Variants in ACTL6B observed in about 807,000 individuals in gnomAD.
ACTL6B encodes the protein actin like 6B, also known as actin-like protein 6B.
Under a neutral mutation model 63.3 loss-of-function variants are expected in ACTL6B, and 48 were observed. The observed-to-expected ratio is 0.76, with a 90% CI of 0.60 to 0.96. The LOEUF (loss-of-function observed/expected upper bound fraction) is 0.96. Ranked by LOEUF, ACTL6B falls within the 50% of genes least tolerant of loss-of-function variation. The probability of loss-of-function intolerance (pLI) is 0.00; values close to 1 mark genes in which losing one functional copy is unlikely to be tolerated. For missense variants in ACTL6B, 350 were observed against 572.2 expected (o/e 0.61, Z 3.96); for synonymous variants, 230 against 223.8 (o/e 1.03, Z -0.25).
chr7:100,655,797 G>C lies in ACTL6B; in HGVS notation c.102+6C>G, dbSNP rs775714101. ...TAGGATTTGGAGAGGAGACTGGAAG[G>C]CTCACCTTGGGACAGTCCTCCCCAG... On this transcript the variant is annotated splice_donor_region_variant and intron_variant, in intron 2 of 13. Transcript: ENST00000160382. This position sits in a 1 kb window ranked among gnomAD's most constrained non-coding sequence, Gnocchi z 4.4. The C allele has an allele frequency of 1.3e-5, 21 of 1,564,074 alleles. No individual in the cohort carries two copies. Among genetic ancestry groups the C allele is most frequent in the Non-Finnish European group, 1.7e-5 (20 of 1,153,830 alleles).
chr7:100,643,259 C>T lies in ACTL6B; in HGVS notation c.1268G>A (p.Arg423Gln), dbSNP rs1299588423. Residue 423 changes from arginine to glutamine, a missense_variant, in exon 14 of 14, where the codon CGA becomes CAA. Physicochemically the swap from Arg to Gln is conservative, Grantham distance 43 (BLOSUM62 1). Coordinates refer to ENST00000160382, the MANE Select transcript of ACTL6B (RefSeq NM_016188.5). ...YEEGGKQCVE[R>Q]KCP Reference sequence around the variant, plus strand: ...GGAGGAGTGCCATCAGGGGCACTTTCGCTCCACGCACTGCTTCCCGCCCTC... The same window carrying T: ...GGAGGAGTGCCATCAGGGGCACTTTTGCTCCACGCACTGCTTCCCGCCCTC... The T allele has an allele frequency of 6.2e-6, 10 of 1,613,882 alleles. No individual in the cohort carries two copies. The highest frequency in any genetic ancestry group is 1.3e-5 in the African/African-American group (1 of 74,898).
In ACTL6B at chr7:100,648,251, C is replaced by T. The variant is rs1032403863; in HGVS notation, c.669+305G>A. 1.8e-5 allele frequency: 4 copies of T among 225,532 alleles called. No homozygotes were observed. Among genetic ancestry groups the T allele is most frequent in the Admixed American group, 5.5e-5 (1 of 18,030 alleles). 14.0% of individuals were successfully genotyped at this position (225,532 alleles called of 1,614,324 possible). ...GGGATTACAGGTGTGAGCCACCATG[C>T]CTGACCGGTCCTGCAGCTCTTGCAC... is the stretch of plus-strand genomic sequence containing the variant. On this transcript the variant is annotated intron_variant, in intron 7 of 13. Coordinates refer to ENST00000160382, the MANE Select transcript of ACTL6B (RefSeq NM_016188.5). This position sits in a 1 kb window ranked among gnomAD's most constrained non-coding sequence, Gnocchi z 4.4.
chr7:100,652,999 CAAAAAAAAAAAAAAAAAAAAAA>C (rs58707737), intron 4 of ACTL6B, among the ~76,000 whole-genome samples: 94 of 25,956 alleles, frequency 3.6e-3, no homozygotes, highest in East Asian at 0.032. Flanking sequence ...AACTCCGTCT[CAAAAAAAAAAAAAAAAAAAAAA>C]AAAAAAAAAA....
In ACTL6B at chr7:100,643,175, G is replaced by C. The variant is rs1803753525; in HGVS notation, c.*71C>G. On this transcript the variant is annotated 3_prime_UTR_variant, in exon 14 of 14. Coordinates refer to ENST00000160382, the MANE Select transcript of ACTL6B (RefSeq NM_016188.5). ...TGAGGACAAGAGGGAAAGGAGGAGGGGGGCAATGTGGCATGGGGGTTAAGG... is the reference window on the plus strand; with the variant it reads ...TGAGGACAAGAGGGAAAGGAGGAGGCGGGCAATGTGGCATGGGGGTTAAGG... The C allele has an allele frequency of 3.0e-6, 4 of 1,355,362 alleles. No individual in the cohort carries two copies. The highest frequency in any genetic ancestry group is 4.2e-6 in the Non-Finnish European group (4 of 947,756). 84.0% of individuals were successfully genotyped at this position (1,355,362 alleles called of 1,614,324 possible). A position where few individuals can be genotyped will look rare whatever the true frequency, so the allele number is the denominator to read the frequency against.
chr7:100,653,254 C>G (rs1238718363), intron 4 of ACTL6B, among the ~76,000 whole-genome samples: 1 of 151,964 alleles, frequency 6.6e-6, no homozygotes, highest in African/African-American at 2.4e-5. Context: ...TGAAGCCAGC[C>G]TGGGCAATAT....
intron 4 of ACTL6B, among the ~76,000 whole-genome samples, chr7:100,651,565 GT>G (rs908137622): frequency 4.7e-5 from 7 of 149,548 alleles, no homozygotes; most frequent in African/African-American, 1.2e-4. Flanking sequence ...AAAAAAAAAA[GT>G]TTTTTTTTAG....
rs370137007 is a variant in ACTL6B, at chr7:100,647,111, C to T, written c.822-26G>A. The T allele has an allele frequency of 6.9e-5, 112 of 1,612,706 alleles. No individual in the cohort carries two copies. In the Middle Eastern group the frequency reaches 1.2e-3, roughly 17 times the overall value. ...CTACCCAGAAGGGAGCAGGACTCTG[C>T]CTGGGGTGCTCAAGAAGGATCAGTG... On this transcript the variant is annotated intron_variant, in intron 9 of 13. Coordinates refer to ENST00000160382, the MANE Select transcript of ACTL6B (RefSeq NM_016188.5). The surrounding 1 kb of genome is among the most constrained non-coding windows in gnomAD (Gnocchi z 4.4).
rs368302187 is a variant in ACTL6B at position 100,648,592 on chromosome 7, G to A, written c.633C>T (p.Ala211=). The change falls in exon 7 of 14, where the codon GCC becomes GCT. Residue 211 remains alanine (A), a synonymous_variant. Transcript: ENST00000160382. The surrounding 1 kb of genome is among the most constrained non-coding windows in gnomAD (Gnocchi z 4.4). ...TCATGTAAGGTGGGATGATGTCAAT[G>A]GCCATCTCCTGGAACAGCTCCCGGC... ...MQCRELFQEM[A]IDIIPPYMIA... is the part of the protein sequence containing the mutation. 8.4e-5 allele frequency: 136 copies of A among 1,612,334 alleles called. 1 individual carries two copies. The highest frequency in any genetic ancestry group is 5.0e-5 in the Admixed American group (3 of 59,728).
chr7:100,654,415 A>T lies in ACTL6B; in HGVS notation c.369+604T>A, dbSNP rs1319332946. 3.4e-5 allele frequency among the ~76,000 whole-genome samples: 5 copies of T among 146,656 alleles called. No individual in the cohort carries two copies. In the East Asian group the frequency reaches 1.0e-3, roughly 29 times the overall value. On this transcript the variant is annotated intron_variant, in intron 4 of 13. Transcript: ENST00000160382. The stretch of plus-strand genomic sequence containing the variant: ...ATTACAGGTGTGAGCCAACATCCCC[A>T]GCTCACCAAAGTTGACCATAATAAT...
At position 100,646,129 on chromosome 7, in the gene ACTL6B, C is replaced by T. The variant is rs570369561; in HGVS notation, c.1200+120G>A. The T allele has an allele frequency of 2.1e-6, 2 of 973,756 alleles. No individual in the cohort carries two copies. Among genetic ancestry groups the T allele is most frequent in the African/African-American group, 3.2e-5 (2 of 61,786 alleles). The allele number at this position is 973,756 out of a possible 1,614,324, so 60.3% of individuals were successfully genotyped here. A position where few individuals can be genotyped will look rare whatever the true frequency, so the allele number is the denominator to read the frequency against. On this transcript the variant is annotated intron_variant, in intron 13 of 13. Transcript: ENST00000160382. This position sits in a 1 kb window ranked among gnomAD's most constrained non-coding sequence, Gnocchi z 6.1. ...TGGGAACATTCATTGACTGACATTT[C>T]TCAAAACTAAATGTTTGTTGAATGA...
intron 13 of ACTL6B, among the ~76,000 whole-genome samples, chr7:100,645,638 A>AT (rs59032705): frequency 0.089 from 12,571 of 141,130 alleles, 1,516 homozygotes; most frequent in East Asian, 0.51. Context: ...TCTACTCCCA[A>AT]TTTTTTTTTT....
Position 100,647,458 on chromosome 7 carries a change from T to A in ACTL6B, c.745A>T (p.Asn249Tyr). Residue 249 changes from asparagine to tyrosine, a missense_variant, in exon 8 of 14, where the codon AAC becomes TAC. This residue lies in a region of ACTL6B where 250 missense variants were observed against 364.7 expected (regional missense o/e 0.69). Transcript: ENST00000160382. This position sits in a 1 kb window ranked among gnomAD's most constrained non-coding sequence, Gnocchi z 4.4. ...KLPQVSKSWHNYMCNEVIQDF... is the reference protein window; with the variant it reads ...KLPQVSKSWHYYMCNEVIQDF... ...CAGAGGCTCACATTACACATGTAGT[T>A]ATGCCAGGACTTGGAGACCTGGGGT... 1 of 1,612,812 alleles carries A rather than the reference T, an allele frequency of 6.2e-7. No individual in the cohort carries two copies. The highest frequency in any genetic ancestry group is 2.2e-5 in the East Asian group (1 of 44,878).
intron 4 of ACTL6B, among the ~76,000 whole-genome samples, chr7:100,653,707 C>A (rs1803984251): frequency 1.3e-5 from 2 of 152,030 alleles, no homozygotes; most frequent in Admixed American, 6.6e-5. Context: ...ACAACAACAA[C>A]AAAACCCACT....
At chr7:100,652,477 G>A (rs753995370) in intron 4 of ACTL6B, among the ~76,000 whole-genome samples, 86 of 146,684 alleles carry the variant, frequency 5.9e-4, no homozygotes, top group Admixed American at 1.4e-3. Flanking sequence ...GGCACCTGTA[G>A]TCCCAGCTAC....
chr7:100,655,968 T>C lies in ACTL6B; in HGVS notation c.26-89A>G. On this transcript the variant is annotated intron_variant, in intron 1 of 13. Transcript: ENST00000160382. This position sits in a 1 kb window ranked among gnomAD's most constrained non-coding sequence, Gnocchi z 4.4. ...AGAGAAAGTCAGGGCAGAGCCACAG[T>C]CTCGCCACTTTCAACACCAGTCTGG... 7 of 1,346,200 alleles carry C rather than the reference T, an allele frequency of 5.2e-6. No homozygotes were observed. The highest frequency in any genetic ancestry group is 7.1e-6 in the Non-Finnish European group (7 of 986,480). The allele number at this position is 1,346,200 out of a possible 1,614,324, so 83.4% of individuals were successfully genotyped here.
chr7:100,656,259 C>T, intron 1 of ACTL6B, 71 bp downstream of exon 1: 1 of 1,365,842 alleles, frequency 7.3e-7, no homozygotes, highest in Non-Finnish European at 9.5e-7. Context: ...CCCGGGGTGC[C>T]CAGAGCTCGG....
At position 100,648,149 on chromosome 7, in the gene ACTL6B, G is replaced by A. The variant is rs544552516; in HGVS notation, c.669+407C>T. 25 of 159,328 alleles carry A rather than the reference G, an allele frequency of 1.6e-4. No homozygotes were observed. In the South Asian group the frequency reaches 4.1e-3, roughly 26 times the overall value. The allele number at this position is 159,328 out of a possible 1,614,324, so 9.9% of individuals were successfully genotyped here. ...TAGTTCTTGCAGTTTTAGTAGAGACGTGGCTTCACCATGTTGCCCAGGCTG... is the reference window on the plus strand; with the variant it reads ...TAGTTCTTGCAGTTTTAGTAGAGACATGGCTTCACCATGTTGCCCAGGCTG... On this transcript the variant is annotated intron_variant, in intron 7 of 13. Coordinates refer to ENST00000160382, the MANE Select transcript of ACTL6B (RefSeq NM_016188.5). The surrounding 1 kb of genome is among the most constrained non-coding windows in gnomAD (Gnocchi z 4.4).
chr7:100,654,813 G>A (rs965239916), intron 4 of ACTL6B, among the ~76,000 whole-genome samples: 24 of 151,970 alleles, frequency 1.6e-4, no homozygotes, highest in African/African-American at 5.8e-4. Flanking sequence ...GAGAAGGGCA[G>A]CAGAGTGCAT....
At position 100,655,355 on chromosome 7, in the gene ACTL6B, C is replaced by T. The variant is rs991004157; in HGVS notation, c.268+66G>A. 1.8e-5 allele frequency: 28 copies of T among 1,550,576 alleles called. No individual in the cohort carries two copies. Among genetic ancestry groups the T allele is most frequent in the African/African-American group, 2.7e-5 (2 of 73,198 alleles). ...AAGACTCCGCGGGGAGTGGGGGCTG[C>T]TATGACCCAGATTGTGGGGAGCGGG... is the stretch of plus-strand genomic sequence containing the variant. On this transcript the variant is annotated intron_variant, in intron 3 of 13. Transcript: ENST00000160382. The surrounding 1 kb of genome is among the most constrained non-coding windows in gnomAD (Gnocchi z 4.4).
Sources: allele counts gnomAD v4.1 joint callset (sites outside exome capture counted in the v4.1 genomes callset), GRCh38; gene constraint gnomAD v4.1.1; regional missense constraint gnomAD v4.1.1; non-coding constraint Gnocchi (gnomAD v3.1); transcripts MANE v1.5; gene names NCBI Gene and HGNC (gene_info 2026-07-23, HGNC 2026-07-21).